PPFIA3: variants seen among roughly 807,000 people sequenced by gnomAD.
The protein encoded by PPFIA3 is PPFI scaffold protein A3, also known as liprin-alpha-3.
A neutral mutation model predicts 145.8 loss-of-function variants in PPFIA3; 26 were observed. The ratio of observed to expected loss-of-function variants is 0.18; its 90% CI spans 0.13 to 0.25. The LOEUF is 0.25. Ranked by LOEUF, PPFIA3 falls within the 10% of genes least tolerant of loss-of-function variation. The pLI is 1.00. For synonymous variants in PPFIA3, 645 were observed against 661.4 expected (o/e 0.98, Z 0.38); for missense variants, 1,008 against 1,587.8 (o/e 0.63, Z 6.21).
chr19:49,137,628 C>CAAAAAAAA lies in PPFIA3; in HGVS notation c.1854-554_1854-547dup, dbSNP rs3032695. Among the ~76,000 whole-genome samples, 109 of 43,780 alleles carry CAAAAAAAA rather than the reference C, an allele frequency of 2.5e-3. 10 individuals carry two copies. The highest frequency in any genetic ancestry group is 0.062 in the Middle Eastern group (2 of 32). The allele number at this position is 43,780 out of a possible 152,430, so 28.7% of individuals were successfully genotyped here. On this transcript the variant is annotated intron_variant, in intron 15 of 29. Coordinates refer to ENST00000334186, the MANE Select transcript of PPFIA3 (RefSeq NM_003660.4). ...TGGGCTACAGAGCGAGACTCCGTGT[C>CAAAAAAAA]AAAAAAAAAAAAAAAAAAAAAAAAA...
intron 15 of PPFIA3, 92 bp from the exon 16 acceptor site, chr19:49,138,113 C>G (rs970328097): frequency 1.2e-5 from 17 of 1,428,866 alleles, no homozygotes; most frequent in Admixed American, 2.7e-5. Flanking sequence ...CCCATTGCCC[C>G]ACCAGGCCTT....
chr19:49,135,725 T>G (rs573872645), intron 13 of PPFIA3, 54 bp from the exon 14 acceptor site: 1 of 1,542,650 alleles, frequency 6.5e-7, no homozygotes, highest in South Asian at 1.2e-5. Flanking sequence ...GACCCTTACC[T>G]CTGTGCTCTT....
At chr19:49,148,878 T>TGGAGCCAGCGTGGGGGGC in intron 25 of PPFIA3, 115 bp downstream of exon 25, 2 of 1,479,652 alleles carry the variant, frequency 1.4e-6, no homozygotes, top group East Asian at 4.6e-5. Context: ...ACCGTGGGGG[T>TGGAGCCAGCGTGGGGGGC]GGAGCCAGCG....
At position 49,140,639 on chromosome 19, in the gene PPFIA3, C is replaced by CTTTTTTTTTTTTTTT. The variant is rs4002348; in HGVS notation, c.2368+565_2368+579dup. ...GTGCTGGGATTACAGACTCATTTAC[C>CTTTTTTTTTTTTTTT]TTTTTTTTTTTTTTTTTTTTTTTTT... On this transcript the variant is annotated intron_variant, in intron 18 of 29. Coordinates refer to ENST00000334186, the MANE Select transcript of PPFIA3 (RefSeq NM_003660.4). Among the ~76,000 whole-genome samples the CTTTTTTTTTTTTTTT allele has an allele frequency of 1.3e-4, 8 of 63,828 alleles. 1 individual carries two copies. Among genetic ancestry groups the CTTTTTTTTTTTTTTT allele is most frequent in the African/African-American group, 4.7e-4 (6 of 12,750 alleles). 41.9% of individuals were successfully genotyped at this position (63,828 alleles called of 152,430 possible).
rs758058109 is a variant in PPFIA3, at chr19:49,141,517, AGTGT to A, written c.2462+10_2462+13del. 5 of 1,608,010 alleles carry A rather than the reference AGTGT, an allele frequency of 3.1e-6. No homozygotes were observed. In the South Asian group the frequency reaches 3.3e-5, roughly 11 times the overall value. On this transcript the variant is annotated splice_donor_5th_base_variant and intron_variant, in intron 19 of 29. Coordinates refer to ENST00000334186, the MANE Select transcript of PPFIA3 (RefSeq NM_003660.4). ...AGGACCGAAGGAACAAGAGGAAGTG[AGTGT>A]GTGTGAGTGTGAGCGTGTGTGTGTG... is the stretch of plus-strand genomic sequence containing the variant.
chr19:49,141,379 C>T (rs1279943339), intron 18 of PPFIA3, 41 bp from the exon 19 acceptor site: 2 of 1,491,992 alleles, frequency 1.3e-6, no homozygotes, highest in East Asian at 2.3e-5. Flanking sequence ...TTCTGCCTCC[C>T]CCTTGAGATT....
intron 1 of PPFIA3, among the ~76,000 whole-genome samples, chr19:49,127,498 C>T: frequency 6.6e-6 from 1 of 150,686 alleles, no homozygotes; most frequent in East Asian, 1.9e-4. Context: ...ACTCAGGAGG[C>T]TGAGTTGGGA....
rs772614469 is a variant in PPFIA3 at position 49,136,747 on chromosome 19, G to A, written c.1689G>A (p.Ala563=). 1.2e-5 allele frequency: 19 copies of A among 1,557,956 alleles called. No homozygotes were observed. The East Asian group carries it at 2.5e-4, about 21-fold the overall frequency. The part of the protein sequence containing the change: ...PSKDWERSAP[A]GSIPPPFPGE... Reference sequence around the variant, plus strand: ...AGGATTGGGAGCGGTCTGCCCCTGCGGGCTCCATACCACCCCCATTCCCTG... The same window carrying A: ...AGGATTGGGAGCGGTCTGCCCCTGCAGGCTCCATACCACCCCCATTCCCTG... The change falls in exon 15 of 30, where the codon GCG becomes GCA. Residue 563 remains alanine (A), a synonymous_variant. Coordinates refer to ENST00000334186, the MANE Select transcript of PPFIA3 (RefSeq NM_003660.4).
intron 16 of PPFIA3, 123 bp from the exon 17 acceptor site, chr19:49,139,545 C>A: frequency 1.1e-6 from 1 of 943,752 alleles, no homozygotes. Context: ...GCTAGACTAC[C>A]TTCGTATACT....
Position 49,133,302 on chromosome 19 carries a change from G to C in PPFIA3, c.1092G>C (p.Thr364=). 6.2e-7 allele frequency: 1 copy of C among 1,610,734 alleles called. No individual in the cohort carries two copies. The highest frequency in any genetic ancestry group is 8.5e-7 in the Non-Finnish European group (1 of 1,179,120). Residue 364 remains threonine (T), a synonymous_variant, in exon 9 of 30, where the codon ACG becomes ACC. Coordinates refer to ENST00000334186, the MANE Select transcript of PPFIA3 (RefSeq NM_003660.4). This position sits in a 1 kb window ranked among gnomAD's most constrained non-coding sequence, Gnocchi z 7.2. ...ACGCCAAGCAGAAGCTGCAGCAGAC[G>C]CTGCAGAAAGCGGAGACCTTGCCCG... The part of the protein sequence containing the change: ...LDDAKQKLQQ[T]LQKAETLPEI...
intron 1 of PPFIA3, among the ~76,000 whole-genome samples, chr19:49,121,811 T>C (rs1348570434): frequency 6.6e-6 from 1 of 152,080 alleles, no homozygotes; most frequent in Non-Finnish European, 1.5e-5. Context: ...TATTTATTTA[T>C]TTTTTGTAGA....
At position 49,130,465 on chromosome 19, in the gene PPFIA3, G is replaced by A. The variant is rs1359550351; in HGVS notation, c.745G>A (p.Val249Met). The change falls in exon 7 of 30, where the codon GTG (valine) becomes ATG (methionine). Residue 249 changes from valine (V) to methionine (M), a missense_variant. Val to Met is a conservative substitution (Grantham distance 21). Coordinates refer to ENST00000334186, the MANE Select transcript of PPFIA3 (RefSeq NM_003660.4). This position sits in a 1 kb window ranked among gnomAD's most constrained non-coding sequence, Gnocchi z 4.5. ...GGCCCTGGAGCGGCAGCGCGCCGAG[G>A]TGTGCCAGCTGCGGGAGCGCCTGGC... ...EEALERQRAE[V>M]CQLRERLAVL... The A allele has an allele frequency of 6.2e-7, 1 of 1,608,826 alleles. No individual in the cohort carries two copies. Among genetic ancestry groups the A allele is most frequent in the Admixed American group, 1.7e-5 (1 of 59,314 alleles).
rs1252111450 is a variant in PPFIA3 at position 49,135,892 on chromosome 19, G to A, written c.1634G>A (p.Arg545His). ...AGSGRAGKRG[R>H]WSGVKEEPSK... is the part of the protein sequence containing the mutation. Reference sequence around the variant, plus strand: ...AGTGGTCGGGCAGGCAAGAGGGGCCGCTGGTCAGGGGTCAAGGAGGAGCCC... The same window carrying A: ...AGTGGTCGGGCAGGCAAGAGGGGCCACTGGTCAGGGGTCAAGGAGGAGCCC... Residue 545 changes from arginine (R) to histidine (H), a missense_variant, in exon 14 of 30, where the codon CGC becomes CAC. Arg to His is a conservative substitution (Grantham distance 29, BLOSUM62 0). Transcript: ENST00000334186. The A allele has an allele frequency of 3.1e-6, 5 of 1,612,852 alleles. No homozygotes were observed. The highest frequency in any genetic ancestry group is 1.3e-5 in the African/African-American group (1 of 74,894).
chr19:49,119,968 C>T (rs187437392), intron 1 of PPFIA3, among the ~76,000 whole-genome samples: 1 of 151,968 alleles, frequency 6.6e-6, no homozygotes, highest in African/African-American at 2.4e-5. Flanking sequence ...TTGGATTTCC[C>T]GGTCCGGCCC....
chr19:49,132,417 A>AG lies in PPFIA3; in HGVS notation c.880-584_880-583insG, dbSNP rs1289503917. Among the ~76,000 whole-genome samples, 777 of 149,236 alleles carry AG rather than the reference A, an allele frequency of 5.2e-3. 9 individuals are homozygous for AG. Among genetic ancestry groups the AG allele is most frequent in the African/African-American group, 0.018 (727 of 39,858 alleles). The stretch of plus-strand genomic sequence containing the variant: ...AAAAAAAAAAAAAAAAAAAAAAAAA[A>AG]AAAGAAAGAGAGAGAGAGAACCTTC... On this transcript the variant is annotated intron_variant, in intron 7 of 29. Coordinates refer to ENST00000334186, the MANE Select transcript of PPFIA3 (RefSeq NM_003660.4).
chr19:49,129,145 G>C (rs1033612093), intron 4 of PPFIA3, 133 bp downstream of exon 4: 8 of 1,087,084 alleles, frequency 7.4e-6, no homozygotes, highest in African/African-American at 1.6e-5. Flanking sequence ...GTGATTGATT[G>C]GGACAGGATA....
intron 18 of PPFIA3, among the ~76,000 whole-genome samples, chr19:49,140,632 C>T (rs537649629): frequency 7.4e-4 from 87 of 117,664 alleles, no homozygotes; most frequent in Middle Eastern, 6.8e-3. Context: ...ATTACAGACT[C>T]ATTTACCTTT....
At chr19:49,123,398 G>A (rs2040960597) in intron 1 of PPFIA3, among the ~76,000 whole-genome samples, 1 of 151,946 alleles carries the variant, frequency 6.6e-6, no homozygotes, top group Admixed American at 6.6e-5. Flanking sequence ...GCCTTCCAAA[G>A]TGCTGGAATT....
chr19:49,128,250 C>T lies in PPFIA3; in HGVS notation c.241-117C>T. 1 of 1,478,466 alleles carries T rather than the reference C, an allele frequency of 6.8e-7. No individual in the cohort carries two copies. Among genetic ancestry groups the T allele is most frequent in the Non-Finnish European group, 9.3e-7 (1 of 1,075,214 alleles). The allele number at this position is 1,478,466 out of a possible 1,614,324, so 91.6% of individuals were successfully genotyped here. On this transcript the variant is annotated intron_variant, in intron 2 of 29. Coordinates refer to ENST00000334186, the MANE Select transcript of PPFIA3 (RefSeq NM_003660.4). This position sits in a 1 kb window ranked among gnomAD's most constrained non-coding sequence, Gnocchi z 4.1. ...CCGTTAATGGGCGGGGCCTGAGTGG[C>T]AAGGGACAGCGGGACTTAGCAGGGA...
Sources: allele counts gnomAD v4.1 joint callset (sites outside exome capture counted in the v4.1 genomes callset), GRCh38; gene constraint gnomAD v4.1.1; non-coding constraint Gnocchi (gnomAD v3.1); transcripts MANE v1.5; gene names NCBI Gene and HGNC (gene_info 2026-07-23, HGNC 2026-07-21).